Variants in KCNK2 observed in about 807,000 individuals in gnomAD.
KCNK2 encodes the protein potassium two pore domain channel subfamily K member 2, also known as potassium channel subfamily K member 2.
KCNK2 carries 21 observed loss-of-function variants against 40.5 expected under a neutral mutation model. The ratio of observed to expected loss-of-function variants is 0.52; its 90% CI spans 0.37 to 0.75. The LOEUF is 0.75. Among genes scored for constraint, KCNK2 ranks in the 30% least tolerant of loss-of-function variants. The probability of loss-of-function intolerance (pLI) is 0.00; values close to 1 mark genes in which losing one functional copy is unlikely to be tolerated. For synonymous variants in KCNK2, 191 were observed against 202.2 expected (o/e 0.94, Z 0.47); for missense variants, 399 against 531.6 (o/e 0.75, Z 2.45).
rs1278321671 is a variant in KCNK2, at chr1:215,082,845, G to A, written c.-541G>A. ...CCACACACCCCCCGCGGGGCACGGA[G>A]GGCATTGCGGGGGGAGACACACAAA... On this transcript the variant is annotated 5_prime_UTR_variant, in exon 1 of 7. Coordinates refer to ENST00000444842, the MANE Select transcript of KCNK2 (RefSeq NM_001017425.3). 6.6e-6 allele frequency among the ~76,000 whole-genome samples: 1 copy of A among 152,018 alleles called. No homozygotes were observed. Among genetic ancestry groups the A allele is most frequent in the Non-Finnish European group, 1.5e-5 (1 of 67,986 alleles).
At position 215,083,201 on chromosome 1, in the gene KCNK2, C is replaced by CCG; in HGVS notation, c.-184_-183insGC. 1 of 753,664 alleles carries CCG rather than the reference C, an allele frequency of 1.3e-6. No individual in the cohort carries two copies. Among genetic ancestry groups the CCG allele is most frequent in the South Asian group, 1.5e-5 (1 of 66,006 alleles). The allele number at this position is 753,664 out of a possible 1,614,324, so 46.7% of individuals were successfully genotyped here. A position where few individuals can be genotyped will look rare whatever the true frequency, so the allele number is the denominator to read the frequency against. ...TTTCGTTTCTTCTCACGCTCCCCCC[C>CCG]CCGCCCCCTCCCGCGTCCAGCCCCG... On this transcript the variant is annotated 5_prime_UTR_variant, in exon 1 of 7. Transcript: ENST00000444842.
intron 6 of KCNK2, among the ~76,000 whole-genome samples, chr1:215,230,079 CTG>C (rs1328967221): frequency 9.3e-6 from 1 of 107,282 alleles, no homozygotes; most frequent in East Asian, 2.7e-4. Flanking sequence ...ATATATATAT[CTG>C]TGTGTGTGTA....
chr1:215,074,255 T>C (rs1383299051), intron 1 of KCNK2, among the ~76,000 whole-genome samples: 1 of 152,192 alleles, frequency 6.6e-6, no homozygotes, highest in African/African-American at 2.4e-5. Flanking sequence ...ACTTAACAAG[T>C]GGTCTTGAGC....
At chr1:215,080,468 T>G (rs1317138109), upstream of KCNK2, among the ~76,000 whole-genome samples, 1 of 152,212 alleles carries the variant, frequency 6.6e-6, no homozygotes, top group Non-Finnish European at 1.5e-5. Context: ...TTCTCATGTA[T>G]GTAGGGTATA....
intron 1 of KCNK2, among the ~76,000 whole-genome samples, chr1:215,014,614 G>T (rs1385843289): frequency 2.6e-5 from 4 of 151,958 alleles, no homozygotes; most frequent in Non-Finnish European, 4.4e-5. Flanking sequence ...TAATGAACTA[G>T]GCTCAAAAAA....
intron 1 of KCNK2, among the ~76,000 whole-genome samples, chr1:215,044,373 T>A (rs1028856628): frequency 6.6e-6 from 1 of 152,146 alleles, no homozygotes; most frequent in African/African-American, 2.4e-5. Flanking sequence ...CTGGTTTAGT[T>A]GAACAAAACA....
chr1:215,158,220 C>T (rs1663017283), intron 3 of KCNK2, among the ~76,000 whole-genome samples: 1 of 152,162 alleles, frequency 6.6e-6, no homozygotes, highest in South Asian at 2.1e-4. Context: ...TAGAGACAGA[C>T]AAGGGACTTG....
At chr1:215,078,116 C>T (rs984932079), upstream of KCNK2, among the ~76,000 whole-genome samples, 8 of 152,100 alleles carry the variant, frequency 5.3e-5, no homozygotes, top group Non-Finnish European at 1.0e-4. Context: ...AGCTGATGAG[C>T]TAAAAGCAAA....
Position 215,100,426 on chromosome 1 carries a change from T to G in KCNK2, c.357+13748T>G, listed in dbSNP as rs756979803. On this transcript the variant is annotated intron_variant, in intron 2 of 6. Coordinates refer to ENST00000444842, the MANE Select transcript of KCNK2 (RefSeq NM_001017425.3). The stretch of plus-strand genomic sequence containing the variant: ...AGAGAGGCTTACAAATTATGTTTAG[T>G]GGGCAGCATTTGTTTTATACAGCAG... 2.6e-5 allele frequency among the ~76,000 whole-genome samples: 4 copies of G among 151,986 alleles called. No homozygotes were observed. The South Asian group carries it at 8.3e-4, about 31-fold the overall frequency.
chr1:215,134,529 AC>A (rs1242708720), intron 3 of KCNK2, among the ~76,000 whole-genome samples: 1 of 152,072 alleles, frequency 6.6e-6, no homozygotes. Flanking sequence ...AGCTCTCCAA[AC>A]CCCATAGTTC....
chr1:215,223,825 T>C (rs1467893948), intron 6 of KCNK2, among the ~76,000 whole-genome samples: 1 of 151,956 alleles, frequency 6.6e-6, no homozygotes, highest in Non-Finnish European at 1.5e-5. Context: ...CAAAATTCTA[T>C]AAAGAGTATT....
At chr1:215,058,125 A>G (rs6665177) in intron 1 of KCNK2, among the ~76,000 whole-genome samples, 119,183 of 152,058 alleles carry the variant, frequency 0.78, 47,723 homozygotes, top group East Asian at 0.97. Context: ...TAGTGGACCT[A>G]ATTGAAGCTT....
chr1:215,029,951 T>C (rs2102484746), intron 1 of KCNK2, among the ~76,000 whole-genome samples: 1 of 152,280 alleles, frequency 6.6e-6, no homozygotes, highest in East Asian at 1.9e-4. Flanking sequence ...TACTGGATCA[T>C]ATGGTGGGAG....
chr1:215,208,702 T>C (rs1665422123), intron 6 of KCNK2, among the ~76,000 whole-genome samples: 1 of 152,136 alleles, frequency 6.6e-6, no homozygotes, highest in Admixed American at 6.5e-5. Flanking sequence ...GATATCTTAC[T>C]ATATAAAGAA....
intron 1 of KCNK2, among the ~76,000 whole-genome samples, chr1:215,031,748 G>A (rs1419256563): frequency 1.3e-5 from 2 of 152,082 alleles, no homozygotes; most frequent in Non-Finnish European, 2.9e-5. Context: ...ATTGATTTTT[G>A]TATATTGACT....
At chr1:215,054,657 A>T (rs6540881) in intron 1 of KCNK2, among the ~76,000 whole-genome samples, 8 of 152,064 alleles carry the variant, frequency 5.3e-5, no homozygotes, top group African/African-American at 4.8e-5. Context: ...GCCAGGGTGT[A>T]TTTTTCTATA....
At chr1:215,013,462 T>G (rs1656478859) in intron 1 of KCNK2, among the ~76,000 whole-genome samples, 1 of 152,174 alleles carries the variant, frequency 6.6e-6, no homozygotes, top group East Asian at 1.9e-4. Context: ...CTTGACAGTA[T>G]TTATGTCGGG....
intron 1 of KCNK2, among the ~76,000 whole-genome samples, chr1:215,086,069 A>G (rs1659419273): frequency 6.6e-6 from 1 of 152,146 alleles, no homozygotes; most frequent in Admixed American, 6.5e-5. Context: ...AAATTTAGAA[A>G]TTGATTAAGA....
At chr1:215,224,549 G>T (rs929025116) in intron 6 of KCNK2, among the ~76,000 whole-genome samples, 1 of 151,482 alleles carries the variant, frequency 6.6e-6, no homozygotes, top group Non-Finnish European at 1.5e-5. Flanking sequence ...AAAATGCAAT[G>T]AAAAAAATTT....
Sources: allele counts gnomAD v4.1 joint callset (sites outside exome capture counted in the v4.1 genomes callset), GRCh38; gene constraint gnomAD v4.1.1; transcripts MANE v1.5; gene names NCBI Gene and HGNC (gene_info 2026-07-23, HGNC 2026-07-21).